The following STARD13 variants were observed in gnomAD, a reference collection of about 807,000 sequenced individuals.
STARD13 encodes the protein stAR-related lipid transfer protein 13.
Under a neutral mutation model 106.4 loss-of-function variants are expected in STARD13, and 62 were observed. The ratio of observed to expected loss-of-function variants is 0.58; its 90% CI spans 0.48 to 0.72. The LOEUF is 0.72. Among genes scored for constraint, STARD13 ranks in the 30% least tolerant of loss-of-function variants. STARD13 has a pLI of 0.00. For synonymous variants in STARD13, 565 were observed against 553.0 expected (o/e 1.02, Z -0.31); for missense variants, 1,387 against 1,424.0 (o/e 0.97, Z 0.42).
chr13:33,482,286 T>C, the STARD13 span, among the ~76,000 whole-genome samples: 1 of 152,334 alleles, frequency 6.6e-6, no homozygotes, highest in Non-Finnish European at 1.5e-5. Flanking sequence ...GCTACTCTTC[T>C]ATCTAGTCTT....
chr13:33,234,419 C>T (rs1266452820), intron 1 of STARD13, among the ~76,000 whole-genome samples: 2 of 152,206 alleles, frequency 1.3e-5, no homozygotes, highest in African/African-American at 4.8e-5. Flanking sequence ...GCCATCTGCT[C>T]TCTTCCACTC....
intron 1 of STARD13, among the ~76,000 whole-genome samples, chr13:33,305,129 T>C (rs933075952): frequency 1.3e-5 from 2 of 152,234 alleles, no homozygotes; most frequent in Non-Finnish European, 2.9e-5. Flanking sequence ...TGGCTTCAAG[T>C]GATCTTCTTG....
intron 1 of STARD13, among the ~76,000 whole-genome samples, chr13:33,237,331 G>A (rs915990479): frequency 4.6e-5 from 7 of 152,118 alleles, no homozygotes; most frequent in African/African-American, 1.7e-4. Context: ...ACTTTCAATC[G>A]GTTCATAAAT....
At chr13:33,174,282 A>G (rs1460000252) in intron 1 of STARD13, among the ~76,000 whole-genome samples, 1 of 152,128 alleles carries the variant, frequency 6.6e-6, no homozygotes, top group African/African-American at 2.4e-5. Flanking sequence ...TAACATATAT[A>G]TATACTATAT....
chr13:33,396,833 G>T, the STARD13 span, among the ~76,000 whole-genome samples: 1 of 152,178 alleles, frequency 6.6e-6, no homozygotes, highest in Non-Finnish European at 1.5e-5. Context: ...ACAGAAACAG[G>T]ATCCCTGAGG....
At chr13:33,151,729 T>C (rs1881306664) in intron 3 of STARD13, among the ~76,000 whole-genome samples, 2 of 152,204 alleles carry the variant, frequency 1.3e-5, no homozygotes, top group South Asian at 2.1e-4. Context: ...GAGCGTAACA[T>C]AGATTTGCAT....
chr13:33,438,789 T>C, the STARD13 span, among the ~76,000 whole-genome samples: 1 of 152,142 alleles, frequency 6.6e-6, no homozygotes, highest in South Asian at 2.1e-4. Context: ...GTCTGAATAA[T>C]GAACTGAAAC....
the STARD13 span, among the ~76,000 whole-genome samples, chr13:33,458,296 G>A: frequency 2.0e-5 from 3 of 149,476 alleles, no homozygotes; most frequent in East Asian, 1.9e-4. Context: ...TTTTTGAGAC[G>A]GAGTCTTGTT....
At chr13:33,164,984 C>A (rs183391738) in intron 3 of STARD13, among the ~76,000 whole-genome samples, 119 of 152,260 alleles carry the variant, frequency 7.8e-4, no homozygotes, top group Middle Eastern at 3.4e-3. Flanking sequence ...CCCATCCACA[C>A]CCCCAATCAC....
chr13:33,538,771 A>ATTT, the STARD13 span, among the ~76,000 whole-genome samples: 2 of 143,092 alleles, frequency 1.4e-5, no homozygotes, highest in East Asian at 2.0e-4. Context: ...AAACTATTTA[A>ATTT]TTTTTTTTTT....
chr13:33,287,600 C>CGTGGATG (rs11281539), upstream of STARD13, among the ~76,000 whole-genome samples: 35,292 of 152,070 alleles, frequency 0.23, 4,472 homozygotes, highest in African/African-American at 0.32. Flanking sequence ...TCGGCAGAAG[C>CGTGGATG]TCGAATGGAG....
the STARD13 span, among the ~76,000 whole-genome samples, chr13:33,599,585 C>T: frequency 6.6e-6 from 1 of 152,078 alleles, no homozygotes; most frequent in South Asian, 2.1e-4. Context: ...CCTAAATTAC[C>T]GTGCCTGCCA....
chr13:33,582,864 C>T, the STARD13 span, among the ~76,000 whole-genome samples: 4 of 152,170 alleles, frequency 2.6e-5, no homozygotes, highest in Non-Finnish European at 5.9e-5. Flanking sequence ...TTCTCATTGA[C>T]ATAAAACAGA....
the STARD13 span, among the ~76,000 whole-genome samples, chr13:33,483,006 C>A: frequency 2.0e-5 from 3 of 152,134 alleles, no homozygotes. Flanking sequence ...CCTGGACCAC[C>A]CTCCTGATTA....
chr13:33,602,092 C>CT, the STARD13 span, among the ~76,000 whole-genome samples: 19,095 of 136,406 alleles, frequency 0.14, 2,022 homozygotes, highest in African/African-American at 0.29. Flanking sequence ...TCTAGTAATT[C>CT]TTTTTTTTTT....
intron 1 of STARD13, among the ~76,000 whole-genome samples, chr13:33,298,106 C>T (rs1278609241): frequency 6.6e-6 from 1 of 150,416 alleles, no homozygotes; most frequent in Non-Finnish European, 1.5e-5. Context: ...CTAGTCTGGC[C>T]CCATCCCATC....
At chr13:33,240,443 A>G (rs1335342055) in intron 1 of STARD13, among the ~76,000 whole-genome samples, 1 of 152,154 alleles carries the variant, frequency 6.6e-6, no homozygotes, top group Non-Finnish European at 1.5e-5. Context: ...GGATTTTGAT[A>G]GGTATTGCAC....
the STARD13 span, among the ~76,000 whole-genome samples, chr13:33,419,147 G>T: frequency 2.2e-4 from 33 of 152,100 alleles, no homozygotes; most frequent in Non-Finnish European, 4.1e-4. Flanking sequence ...GCTTCAGAAG[G>T]TTGGTAAGAA....
the STARD13 span, among the ~76,000 whole-genome samples, chr13:33,609,659 C>T: frequency 6.6e-6 from 1 of 151,794 alleles, no homozygotes; most frequent in Non-Finnish European, 1.5e-5. Flanking sequence ...CTCCACCTCC[C>T]GGGTTCACGT....
Sources: gnomAD v4.1 joint callset for allele counts (sites outside exome capture counted in the v4.1 genomes callset) on GRCh38, gnomAD v4.1.1 for gene constraint, MANE v1.5 for transcripts, NCBI Gene and HGNC (gene_info 2026-07-23, HGNC 2026-07-21) for gene names.